Variants in GNG4 observed in about 807,000 individuals in gnomAD.
The protein encoded by GNG4 is G protein subunit gamma 4.
Under a neutral mutation model 5.8 loss-of-function variants are expected in GNG4, and 4 were observed. The observed-to-expected ratio is 0.69, with a 90% CI of 0.34 to 1.57. GNG4 has a LOEUF of 1.57. Ranked by LOEUF, GNG4 falls within the 40% of genes most tolerant of loss-of-function variation. GNG4 has a pLI of 0.06. For synonymous variants in GNG4, 29 were observed against 32.9 expected (o/e 0.88, Z 0.41); for missense variants, 96 against 95.1 (o/e 1.01, Z -0.04).
intron 2 of GNG4, among the ~76,000 whole-genome samples, chr1:235,594,853 G>C (rs183969776): frequency 4.1e-4 from 63 of 152,340 alleles, no homozygotes; most frequent in Non-Finnish European, 6.8e-4. Flanking sequence ...GGGCTGAAGG[G>C]CTCCTCAAGT....
intron 3 of GNG4, among the ~76,000 whole-genome samples, chr1:235,561,832 C>CT (rs1189061260): frequency 6.6e-6 from 1 of 152,186 alleles, no homozygotes; most frequent in South Asian, 2.1e-4. Context: ...AGCTTGTCTA[C>CT]TTTTTTCTTT....
chr1:235,562,673 G>GAAAAAAAAAAAAAGA (rs1195775836), intron 3 of GNG4, among the ~76,000 whole-genome samples: 3 of 123,004 alleles, frequency 2.4e-5, no homozygotes, highest in Non-Finnish European at 5.3e-5. Flanking sequence ...AAAAAAAAAA[G>GAAAAAAAAAAAAAGA]AAAAAAAAAA....
chr1:235,637,328 C>T (rs1054293426), intron 1 of GNG4, among the ~76,000 whole-genome samples: 30 of 152,212 alleles, frequency 2.0e-4, no homozygotes, highest in African/African-American at 7.2e-4. Context: ...TTCAGTCAAA[C>T]GCTGGAAGAT....
chr1:235,587,419 G>GT (rs1687809709), intron 2 of GNG4, among the ~76,000 whole-genome samples: 2 of 82,790 alleles, frequency 2.4e-5, no homozygotes, highest in South Asian at 4.7e-4. Flanking sequence ...GAGGGGTGGG[G>GT]GTGTGTGTGT....
chr1:235,548,601 C>G lies in GNG4; in HGVS notation c.*3508G>C, dbSNP rs1054773102. ...CCCCAGGTCAATGACCACTTCCCGA[C>G]TGGTATGGGGCTGGAAGCGGGGTGT... On this transcript the variant is annotated 3_prime_UTR_variant, in exon 4 of 4. Coordinates refer to ENST00000391854, the MANE Select transcript of GNG4 (RefSeq NM_001098722.2). The G allele has an allele frequency of 1.3e-5, 2 of 148,350 alleles. No homozygotes were observed. The highest frequency in any genetic ancestry group is 4.3e-4 in the South Asian group (2 of 4,624). The allele number at this position is 148,350 out of a possible 1,614,324, so 9.2% of individuals were successfully genotyped here.
Position 235,580,739 on chromosome 1 carries a change from G to GTTTTTT in GNG4, c.99+2995_99+3000dup, listed in dbSNP as rs1200655746. On this transcript the variant is annotated intron_variant, in intron 3 of 3. Coordinates refer to ENST00000391854, the MANE Select transcript of GNG4 (RefSeq NM_001098722.2). ...GCACAGCAACATGGCGGCCTATCCC[G>GTTTTTT]TTTTTTGTTTTTTTTTTTTTTTTTT... Among the ~76,000 whole-genome samples, 25 of 98,044 alleles carry GTTTTTT rather than the reference G, an allele frequency of 2.5e-4. 6 individuals are homozygous for GTTTTTT. The highest frequency in any genetic ancestry group is 2.1e-3 in the East Asian group (6 of 2,852). The allele number at this position is 98,044 out of a possible 152,430, so 64.3% of individuals were successfully genotyped here.
chr1:235,584,546 C>G (rs1487021323), intron 2 of GNG4, among the ~76,000 whole-genome samples: 1 of 152,206 alleles, frequency 6.6e-6, no homozygotes, highest in Non-Finnish European at 1.5e-5. Flanking sequence ...CACTCTCTCT[C>G]TCTTTCTTCC....
chr1:235,617,897 A>G (rs1182870497), intron 1 of GNG4, among the ~76,000 whole-genome samples: 1 of 151,244 alleles, frequency 6.6e-6, no homozygotes, highest in Non-Finnish European at 1.5e-5. Context: ...TCTAAAAAAA[A>G]AAAAAAAAAA....
At chr1:235,574,933 T>C (rs1367280127) in intron 3 of GNG4, among the ~76,000 whole-genome samples, 1 of 152,164 alleles carries the variant, frequency 6.6e-6, no homozygotes, top group African/African-American at 2.4e-5. Context: ...CCAGTGATTC[T>C]CCTGCCTCAG....
intron 1 of GNG4, among the ~76,000 whole-genome samples, chr1:235,621,765 C>G (rs1688718296): frequency 6.6e-6 from 1 of 151,894 alleles, no homozygotes; most frequent in Non-Finnish European, 1.5e-5. Flanking sequence ...CAGCTTTGAC[C>G]TCCTGGGCTT....
chr1:235,587,312 GGTGTGTGT>G (rs1342173591), intron 2 of GNG4, among the ~76,000 whole-genome samples: 1 of 73,506 alleles, frequency 1.4e-5, no homozygotes, highest in Non-Finnish European at 2.4e-5. Context: ...GAGGGTGAGG[GGTGTGTGT>G]GTGTGAGAGT....
chr1:235,623,858 C>CA (rs36044485), intron 1 of GNG4, among the ~76,000 whole-genome samples: 1 of 152,156 alleles, frequency 6.6e-6, no homozygotes, highest in Non-Finnish European at 1.5e-5. Context: ...TCCCAGCTTG[C>CA]AAAAAGCTGA....
intron 3 of GNG4, among the ~76,000 whole-genome samples, chr1:235,555,530 T>C (rs1435551924): frequency 6.6e-6 from 1 of 151,884 alleles, no homozygotes; most frequent in Non-Finnish European, 1.5e-5. Flanking sequence ...AATGAAAAAA[T>C]TAGCCAGGCA....
At chr1:235,603,540 C>T (rs986240065) in intron 1 of GNG4, among the ~76,000 whole-genome samples, 1 of 152,126 alleles carries the variant, frequency 6.6e-6, no homozygotes, top group Non-Finnish European at 1.5e-5. Context: ...GTCCCCCTCG[C>T]AGGGGGATGA....
chr1:235,640,458 T>G (rs1460521084), intron 1 of GNG4, among the ~76,000 whole-genome samples: 1 of 152,234 alleles, frequency 6.6e-6, no homozygotes, highest in Non-Finnish European at 1.5e-5. Context: ...CAGCCAGGTT[T>G]GAGAACCACT....
chr1:235,609,633 C>T (rs1459715286), intron 1 of GNG4, among the ~76,000 whole-genome samples: 1 of 152,120 alleles, frequency 6.6e-6, no homozygotes, highest in Non-Finnish European at 1.5e-5. Context: ...AGTTTCCTGG[C>T]CGGGCGCAGT....
chr1:235,591,551 C>G (rs940090035), intron 2 of GNG4, among the ~76,000 whole-genome samples: 1 of 152,222 alleles, frequency 6.6e-6, no homozygotes, highest in Non-Finnish European at 1.5e-5. Context: ...CTTTCTGAGA[C>G]TGTCTGGATG....
intron 1 of GNG4, among the ~76,000 whole-genome samples, chr1:235,622,180 A>T (rs916382701): frequency 1.3e-5 from 2 of 152,138 alleles, no homozygotes; most frequent in Non-Finnish European, 2.9e-5. Context: ...TCAATTCAAA[A>T]TATTTTCTAA....
intron 1 of GNG4, among the ~76,000 whole-genome samples, chr1:235,598,288 C>T (rs914049177): frequency 2.6e-5 from 4 of 152,178 alleles, no homozygotes; most frequent in African/African-American, 7.2e-5. Flanking sequence ...CTTTGCTGTA[C>T]ATCTGAACCA....
Sources: gnomAD v4.1 joint callset for allele counts (sites outside exome capture counted in the v4.1 genomes callset) on GRCh38, gnomAD v4.1.1 for gene constraint, MANE v1.5 for transcripts, NCBI Gene and HGNC (gene_info 2026-07-23, HGNC 2026-07-21) for gene names.